The following CYP2B6 variants were observed in gnomAD, a reference collection of about 807,000 sequenced individuals.
CYP2B6 encodes cytochrome P450 2B6.
CYP2B6 carries 35 observed loss-of-function variants against 43.4 expected under a neutral mutation model. The observed-to-expected ratio is 0.81, with a 90% CI of 0.62 to 1.07. The LOEUF (loss-of-function observed/expected upper bound fraction) is 1.07. Among genes scored for constraint, CYP2B6 ranks in the 50% least tolerant of loss-of-function variants. CYP2B6 has a pLI of 0.00. For missense variants in CYP2B6, 624 were observed against 632.8 expected (o/e 0.99, Z 0.15); for synonymous variants, 239 against 239.2 (o/e 1.00, Z 0.01).
intron 1 of CYP2B6, among the ~76,000 whole-genome samples, chr19:41,003,579 T>A (rs967486394): frequency 2.0e-5 from 3 of 152,318 alleles, no homozygotes; most frequent in Non-Finnish European, 4.4e-5. Context: ...TTATCAACCA[T>A]CTTTACTGTT....
intron 1 of CYP2B6, among the ~76,000 whole-genome samples, chr19:40,996,130 G>T (rs935528230): frequency 6.6e-6 from 1 of 152,098 alleles, no homozygotes; most frequent in African/African-American, 2.4e-5. Context: ...GGGATGTGGA[G>T]TTGGGGAGTA....
chr19:41,009,639 AAGAC>A, intron 5 of CYP2B6: 1 of 616,434 alleles, frequency 1.6e-6, no homozygotes. Flanking sequence ...GACAGAATGA[AAGAC>A]AGAGGGAGAG....
intron 8 of CYP2B6, 44 bp downstream of exon 8, chr19:41,012,859 G>A: frequency 1.9e-6 from 3 of 1,609,222 alleles, no homozygotes; most frequent in Admixed American, 1.7e-5. Context: ...CAGAGGGCAG[G>A]TACTATCCCC....
intron 6 of CYP2B6, among the ~76,000 whole-genome samples, chr19:41,011,723 C>G (rs1461253797): frequency 1.3e-5 from 2 of 151,940 alleles, no homozygotes; most frequent in Admixed American, 1.3e-4. Flanking sequence ...AAATTCCATG[C>G]AAAATCGTGG....
chr19:41,002,226 GGCAGTGAAACAATTGTT>G (rs1969102890), intron 1 of CYP2B6, among the ~76,000 whole-genome samples: 1 of 152,058 alleles, frequency 6.6e-6, no homozygotes, highest in African/African-American at 2.4e-5. Context: ...TGGCTTGTGG[GGCAGTGAAACAATTGTT>G]AAGTGGAGTA....
At chr19:41,011,342 C>T (rs1430059444) in intron 6 of CYP2B6, among the ~76,000 whole-genome samples, 3 of 152,208 alleles carry the variant, frequency 2.0e-5, no homozygotes, top group South Asian at 2.1e-4. Context: ...TATTCACTTG[C>T]TCTTCCATAA....
intron 3 of CYP2B6, among the ~76,000 whole-genome samples, chr19:41,005,419 G>T (rs1017002992): frequency 1.3e-5 from 2 of 152,072 alleles, no homozygotes; most frequent in Non-Finnish European, 2.9e-5. Flanking sequence ...GGGACAAGAA[G>T]ACTGAAGAGA....
At chr19:41,002,941 CGTTGT>C (rs1417999876) in intron 1 of CYP2B6, among the ~76,000 whole-genome samples, 1 of 152,104 alleles carries the variant, frequency 6.6e-6, no homozygotes, top group African/African-American at 2.4e-5. Flanking sequence ...GTTTCAGCCA[CGTTGT>C]CGCCTGTAGC....
intron 4 of CYP2B6, chr19:41,007,439 A>G (rs1010130419): frequency 1.8e-5 from 4 of 220,198 alleles, no homozygotes; most frequent in Non-Finnish European, 3.6e-5. Flanking sequence ...CTTCATGTCT[A>G]TTCTGCTCCT....
intron 1 of CYP2B6, among the ~76,000 whole-genome samples, chr19:41,000,268 T>G (rs554690704): frequency 2.8e-4 from 43 of 152,154 alleles, no homozygotes; most frequent in Admixed American, 5.2e-4. Context: ...TTGATAGTGC[T>G]GCATTTACCT....
chr19:40,998,678 G>T (rs1333303124), intron 1 of CYP2B6, among the ~76,000 whole-genome samples: 16 of 139,600 alleles, frequency 1.1e-4, no homozygotes, highest in African/African-American at 3.7e-4. Context: ...GTGGTGTTTG[G>T]TTTTTTTGTT....
chr19:40,994,104 C>T (rs931435330), intron 1 of CYP2B6, among the ~76,000 whole-genome samples: 1 of 152,096 alleles, frequency 6.6e-6, no homozygotes, highest in Non-Finnish European at 1.5e-5. Context: ...AGGAACCCAA[C>T]TGGAACCTTT....
chr19:41,011,366 T>A (rs527237116), intron 6 of CYP2B6, among the ~76,000 whole-genome samples: 1 of 152,370 alleles, frequency 6.6e-6, no homozygotes, highest in East Asian at 1.9e-4. Context: ...TAGCCATTCA[T>A]GTGATTATTC....
intron 8 of CYP2B6, among the ~76,000 whole-genome samples, chr19:41,013,675 A>C (rs1214511386): frequency 6.6e-6 from 1 of 152,218 alleles, no homozygotes; most frequent in African/African-American, 2.4e-5. Context: ...GGAAGGTGGA[A>C]AAGGTCTTGA....
At chr19:41,007,823 G>A (rs1234446743) in intron 4 of CYP2B6, among the ~76,000 whole-genome samples, 185 of 151,868 alleles carry the variant, frequency 1.2e-3, no homozygotes, top group African/African-American at 4.3e-3. Flanking sequence ...ACGGGGTTTC[G>A]CCATGTTGGC....
rs377135658 is a variant in CYP2B6 at position 41,012,383 on chromosome 19, G to A, written c.1050G>A (p.Glu350=). ...LHDRAKMPYT[E]AVIYEIQRFS... The stretch of plus-strand genomic sequence containing the variant: ...ACCGAGCCAAAATGCCATACACAGA[G>A]GCAGTCATCTATGAGATTCAGAGAT... Residue 350 remains glutamate (E), a synonymous_variant, in exon 7 of 9, where the codon GAG becomes GAA. Coordinates refer to ENST00000324071, the MANE Select transcript of CYP2B6 (RefSeq NM_000767.5). The A allele has an allele frequency of 1.4e-5, 23 of 1,614,000 alleles. No homozygotes were observed. The African/African-American group carries it at 2.7e-4, about 19-fold the overall frequency.
Position 41,009,887 on chromosome 19 carries a change from TG to T in CYP2B6, c.823-106del, listed in dbSNP as rs1599849993. Reference sequence around the variant, plus strand: ...GAGAAAAGCAAACTGGGCCAGATAGTGTCAAAGACCTTTAGGCCAACGGAGG... The same window carrying T: ...GAGAAAAGCAAACTGGGCCAGATAGTTCAAAGACCTTTAGGCCAACGGAGG... On this transcript the variant is annotated intron_variant, in intron 5 of 8. Coordinates refer to ENST00000324071, the MANE Select transcript of CYP2B6 (RefSeq NM_000767.5). 2.7e-5 allele frequency: 36 copies of T among 1,345,442 alleles called. No homozygotes were observed. In the South Asian group the frequency reaches 4.3e-4, roughly 16 times the overall value. The allele number at this position is 1,345,442 out of a possible 1,614,324, so 83.3% of individuals were successfully genotyped here.
intron 3 of CYP2B6, among the ~76,000 whole-genome samples, chr19:41,005,533 C>T (rs986991242): frequency 6.6e-6 from 1 of 151,964 alleles, no homozygotes; most frequent in African/African-American, 2.4e-5. Flanking sequence ...GTAATCCCAG[C>T]ACTTTGGGAG....
At chr19:40,994,820 A>G (rs544850578) in intron 1 of CYP2B6, among the ~76,000 whole-genome samples, 1 of 152,236 alleles carries the variant, frequency 6.6e-6, no homozygotes, top group South Asian at 2.1e-4. Context: ...CTGTTATTAT[A>G]TTAACTAACT....
Sources: allele counts gnomAD v4.1 joint callset (sites outside exome capture counted in the v4.1 genomes callset), GRCh38; gene constraint gnomAD v4.1.1; transcripts MANE v1.5; gene names NCBI Gene and HGNC (gene_info 2026-07-23, HGNC 2026-07-21).